Variants in JMJD1C observed in about 807,000 individuals in gnomAD.
JMJD1C encodes jumonji domain-containing protein 1C.
A neutral mutation model predicts 245.3 loss-of-function variants in JMJD1C; 31 were observed. The observed-to-expected ratio is 0.13, with a 90% CI of 0.09 to 0.17. The LOEUF (loss-of-function observed/expected upper bound fraction) is 0.17. Among genes scored for constraint, JMJD1C ranks in the 10% least tolerant of loss-of-function variants. JMJD1C has a pLI of 1.00. For missense variants in JMJD1C, 2,691 were observed against 3,000.2 expected, an observed-to-expected ratio of 0.90 and a Z score of 2.41; for synonymous variants, 1,057 against 1,017.4, an observed-to-expected ratio of 1.04 and a Z score of -0.74.
chr10:63,216,633 C>A (rs1376179028), intron 5 of JMJD1C, among the ~76,000 whole-genome samples: 7 of 152,096 alleles, frequency 4.6e-5, no homozygotes, highest in African/African-American at 1.4e-4. Context: ...TGGTGTGAAC[C>A]CAGGTGGTGG....
At chr10:63,297,842 T>C (rs1030446049) in intron 2 of JMJD1C, among the ~76,000 whole-genome samples, 4 of 152,206 alleles carry the variant, frequency 2.6e-5, no homozygotes, top group Admixed American at 2.0e-4. Flanking sequence ...CTCGCCACAC[T>C]GCAGGTGACG....
At chr10:63,264,576 T>C (rs776948462) in intron 3 of JMJD1C, 75 bp downstream of exon 3, 1 of 675,952 alleles carries the variant, frequency 1.5e-6, no homozygotes, top group Non-Finnish European at 2.5e-6. Flanking sequence ...TTAAAGAATA[T>C]TGTTTAAAGA....
At chr10:63,299,650 T>C (rs1190513425) in intron 2 of JMJD1C, among the ~76,000 whole-genome samples, 4 of 152,178 alleles carry the variant, frequency 2.6e-5, no homozygotes, top group Non-Finnish European at 5.9e-5. Flanking sequence ...CTGCTGCCCA[T>C]AGTTTTTGTA....
intron 1 of JMJD1C, among the ~76,000 whole-genome samples, chr10:63,413,039 AAAC>A (rs71837985): frequency 0.42 from 63,339 of 151,898 alleles, 13,957 homozygotes; most frequent in South Asian, 0.53. Context: ...GAGTATATCA[AAAC>A]AATACCACAA....
intron 2 of JMJD1C, among the ~76,000 whole-genome samples, chr10:63,335,784 T>C (rs2134191582): frequency 6.6e-6 from 1 of 152,094 alleles, no homozygotes; most frequent in African/African-American, 2.4e-5. Flanking sequence ...GTGTTGAGAT[T>C]ACAGGCATGA....
intron 1 of JMJD1C, among the ~76,000 whole-genome samples, chr10:63,430,286 A>C (rs1411764649): frequency 6.6e-6 from 1 of 152,268 alleles, no homozygotes; most frequent in African/African-American, 2.4e-5. Flanking sequence ...GAGTTGGGCA[A>C]TGGTTTCTTA....
rs79093169 is a variant in JMJD1C, at chr10:63,496,052, A to T, written n.113+25686T>A. Among the ~76,000 whole-genome samples, 730 of 142,508 alleles carry T rather than the reference A, an allele frequency of 5.1e-3. 2 individuals carry two copies. Among genetic ancestry groups the T allele is most frequent in the Middle Eastern group, 0.036 (10 of 276 alleles). 93.5% of individuals were successfully genotyped at this position (142,508 alleles called of 152,430 possible). Reference sequence around the variant, plus strand: ...AATTGCACTAAAAAAAAAAAAAATTAAAAAAAAAAAAACCTCAAACCTAAA... The same window carrying T: ...AATTGCACTAAAAAAAAAAAAAATTTAAAAAAAAAAAACCTCAAACCTAAA... On this transcript the variant is annotated intron_variant and non_coding_transcript_variant, in intron 1 of 3. Coordinates refer to the JMJD1C transcript ENST00000633035.
intron 1 of JMJD1C, among the ~76,000 whole-genome samples, chr10:63,508,100 C>T (rs1954776267): frequency 1.3e-5 from 2 of 152,076 alleles, no homozygotes; most frequent in Admixed American, 1.3e-4. Flanking sequence ...CTTATCAAGT[C>T]TTATCAATGA....
intron 1 of JMJD1C, among the ~76,000 whole-genome samples, chr10:63,393,323 A>G (rs973448719): frequency 8.5e-5 from 13 of 152,190 alleles, no homozygotes; most frequent in Admixed American, 6.5e-5. Flanking sequence ...GGAAATGTAT[A>G]TATCTTAACC....
chr10:63,325,651 C>A (rs1486381732), intron 2 of JMJD1C, among the ~76,000 whole-genome samples: 1 of 152,172 alleles, frequency 6.6e-6, no homozygotes, highest in East Asian at 1.9e-4. Context: ...TATCTAATTA[C>A]TAAATTCAAT....
chr10:63,312,785 G>T (rs1939402892), intron 2 of JMJD1C, among the ~76,000 whole-genome samples: 1 of 151,990 alleles, frequency 6.6e-6, no homozygotes, highest in Non-Finnish European at 1.5e-5. Flanking sequence ...GTATTCCAAA[G>T]TATTTGTCTC....
intron 2 of JMJD1C, among the ~76,000 whole-genome samples, chr10:63,358,570 G>A (rs750064601): frequency 6.6e-6 from 1 of 151,510 alleles, no homozygotes; most frequent in African/African-American, 2.4e-5. Context: ...GGGGAAAAAC[G>A]GAAAAAAGAA....
chr10:63,404,096 CAG>C (rs886704023), intron 1 of JMJD1C, among the ~76,000 whole-genome samples: 1 of 151,002 alleles, frequency 6.6e-6, no homozygotes, highest in Non-Finnish European at 1.5e-5. Context: ...GCCTGGGCAA[CAG>C]AGCAAGACTC....
intron 2 of JMJD1C, among the ~76,000 whole-genome samples, chr10:63,335,578 C>T (rs1314976693): frequency 6.6e-6 from 1 of 152,150 alleles, no homozygotes; most frequent in Non-Finnish European, 1.5e-5. Flanking sequence ...GTGGCACAAT[C>T]CCGGCTCACC....
intron 2 of JMJD1C, among the ~76,000 whole-genome samples, chr10:63,285,284 G>T (rs1469219141): frequency 6.6e-6 from 1 of 152,182 alleles, no homozygotes; most frequent in Non-Finnish European, 1.5e-5. Flanking sequence ...AGCAGAACCT[G>T]AATGTCAGAA....
At chr10:63,441,690 G>A (rs1951398677) in intron 1 of JMJD1C, among the ~76,000 whole-genome samples, 2 of 152,002 alleles carry the variant, frequency 1.3e-5, no homozygotes, top group East Asian at 3.8e-4. Context: ...ATCAGCTGCT[G>A]ACTTAAAGGG....
chr10:63,424,497 CTTTTTTTTT>C (rs59823871), intron 1 of JMJD1C, among the ~76,000 whole-genome samples: 97 of 103,358 alleles, frequency 9.4e-4, no homozygotes, highest in Admixed American at 1.6e-3. Flanking sequence ...ATTATTATTT[CTTTTTTTTT>C]TTTTTTTTTT....
chr10:63,318,607 C>T (rs1940410716), intron 2 of JMJD1C, among the ~76,000 whole-genome samples: 1 of 151,934 alleles, frequency 6.6e-6, no homozygotes, highest in Non-Finnish European at 1.5e-5. Flanking sequence ...ATAACATGTC[C>T]AGAACTCTTA....
chr10:63,393,543 A>T (rs928953883), intron 1 of JMJD1C, among the ~76,000 whole-genome samples: 1 of 152,188 alleles, frequency 6.6e-6, no homozygotes, highest in Non-Finnish European at 1.5e-5. Flanking sequence ...CTGGGTATTT[A>T]TCCAAGGAAA....
Sources: gnomAD v4.1 joint callset for allele counts (sites outside exome capture counted in the v4.1 genomes callset) on GRCh38, gnomAD v4.1.1 for gene constraint, MANE v1.5 for transcripts, NCBI Gene and HGNC (gene_info 2026-07-23, HGNC 2026-07-21) for gene names.